Variants in MCPH1 observed in about 807,000 individuals in gnomAD.
The protein encoded by MCPH1 is microcephalin.
MCPH1 carries 104 observed loss-of-function variants against 84.5 expected under a neutral mutation model. The observed-to-expected ratio is 1.23, with a 90% CI of 1.05 to 1.45. MCPH1 has a LOEUF of 1.45. MCPH1 is among the 40% of genes most tolerant of loss of function. MCPH1 has a pLI of 0.00. For missense variants in MCPH1, 1,498 were observed against 1,005.7 expected, an observed-to-expected ratio of 1.49 and a Z score of -6.62; for synonymous variants, 514 against 366.8, an observed-to-expected ratio of 1.40 and a Z score of -4.58.
At chr8:6,559,923 A>G (rs774370275) in intron 12 of MCPH1, among the ~76,000 whole-genome samples, 1 of 152,136 alleles carries the variant, frequency 6.6e-6, no homozygotes, top group Non-Finnish European at 1.5e-5. Flanking sequence ...TGTTCCATTC[A>G]TATTCCTCTG....
chr8:6,520,481 C>T (rs903689563), intron 12 of MCPH1, among the ~76,000 whole-genome samples: 1 of 152,146 alleles, frequency 6.6e-6, no homozygotes, highest in Admixed American at 6.5e-5. Context: ...CCGCATCCTC[C>T]TCCTCCCAGG....
intron 12 of MCPH1, chr8:6,521,516 G>A: frequency 1.2e-6 from 1 of 831,342 alleles, no homozygotes; most frequent in Non-Finnish European, 1.8e-6. Flanking sequence ...TATTGTAGTG[G>A]TTATAAAGTA....
intron 9 of MCPH1, chr8:6,474,190 A>C: frequency 1.4e-6 from 1 of 716,350 alleles, no homozygotes; most frequent in African/African-American, 1.7e-5. Context: ...CTCTGTCTTC[A>C]TCTAAAATGG....
intron 12 of MCPH1, among the ~76,000 whole-genome samples, chr8:6,614,889 A>AC (rs1830650357): frequency 6.8e-6 from 1 of 148,122 alleles, no homozygotes; most frequent in Non-Finnish European, 1.5e-5. Flanking sequence ...CCCATACCCC[A>AC]CCCTACTCCA....
intron 12 of MCPH1, among the ~76,000 whole-genome samples, chr8:6,597,079 C>A (rs1485996779): frequency 6.6e-6 from 1 of 152,174 alleles, no homozygotes; most frequent in African/African-American, 2.4e-5. Context: ...GCAGGCTGGA[C>A]TCACAGCCCT....
chr8:6,632,659 A>G (rs1308627429), intron 13 of MCPH1, among the ~76,000 whole-genome samples: 1 of 152,048 alleles, frequency 6.6e-6, no homozygotes, highest in African/African-American at 2.4e-5. Flanking sequence ...AATACAAAAA[A>G]TTAGCCGGCC....
chr8:6,553,336 T>A (rs1215343970), intron 12 of MCPH1, among the ~76,000 whole-genome samples: 3 of 152,154 alleles, frequency 2.0e-5, no homozygotes, highest in African/African-American at 7.2e-5. Context: ...CAACAAAATG[T>A]TATTGTGTAC....
At chr8:6,581,124 C>G (rs1827534886) in intron 12 of MCPH1, among the ~76,000 whole-genome samples, 1 of 152,164 alleles carries the variant, frequency 6.6e-6, no homozygotes, top group Non-Finnish European at 1.5e-5. Context: ...TATATAAAGA[C>G]TTGAGCATCC....
chr8:6,617,277 G>GTTTTTTTTT (rs71213326), intron 12 of MCPH1: 2 of 114,674 alleles, frequency 1.7e-5, no homozygotes, highest in African/African-American at 3.6e-5. Context: ...TGTTTTTTTT[G>GTTTTTTTTT]TTTTTTTTTT....
intron 12 of MCPH1, among the ~76,000 whole-genome samples, chr8:6,587,226 A>G (rs969023289): frequency 6.6e-6 from 1 of 152,126 alleles, no homozygotes; most frequent in Non-Finnish European, 1.5e-5. Flanking sequence ...GACTCACTGA[A>G]GTCTGGCAAA....
chr8:6,408,307 C>A (rs1185952567), intron 1 of MCPH1, among the ~76,000 whole-genome samples: 1 of 151,194 alleles, frequency 6.6e-6, no homozygotes, highest in Non-Finnish European at 1.5e-5. Flanking sequence ...CATAATAGCT[C>A]AAGCAATTCT....
chr8:6,555,697 A>T (rs938733972), intron 12 of MCPH1, among the ~76,000 whole-genome samples: 4 of 152,074 alleles, frequency 2.6e-5, no homozygotes, highest in Non-Finnish European at 5.9e-5. Context: ...TCCTGAGCTC[A>T]AGCGACCCAC....
At chr8:6,504,233 G>C (rs1343962085) in intron 12 of MCPH1, among the ~76,000 whole-genome samples, 1 of 150,364 alleles carries the variant, frequency 6.7e-6, no homozygotes, top group African/African-American at 2.4e-5. Context: ...CAGGAGAATG[G>C]CGTGAACCCG....
intron 7 of MCPH1, among the ~76,000 whole-genome samples, chr8:6,442,536 G>T (rs995173023): frequency 5.3e-5 from 8 of 152,332 alleles, no homozygotes; most frequent in African/African-American, 1.7e-4. Context: ...AACGGGGTCA[G>T]TGAAGTATGT....
chr8:6,610,988 G>A (rs1830206216), intron 12 of MCPH1, among the ~76,000 whole-genome samples: 1 of 152,062 alleles, frequency 6.6e-6, no homozygotes. Context: ...CTACTCAGAT[G>A]TCTCCCAGAC....
chr8:6,417,572 C>G (rs910189016), intron 3 of MCPH1, among the ~76,000 whole-genome samples: 2 of 151,936 alleles, frequency 1.3e-5, no homozygotes, highest in Non-Finnish European at 2.9e-5. Context: ...ACTTTTTTCT[C>G]CATCAAATCC....
At chr8:6,546,499 C>T (rs150905810) in intron 12 of MCPH1, among the ~76,000 whole-genome samples, 1 of 152,118 alleles carries the variant, frequency 6.6e-6, no homozygotes, top group African/African-American at 2.4e-5. Flanking sequence ...ATATTCCATT[C>T]ATACGTCACT....
At chr8:6,461,684 C>G (rs1806316494) in intron 9 of MCPH1, among the ~76,000 whole-genome samples, 1 of 152,094 alleles carries the variant, frequency 6.6e-6, no homozygotes, top group East Asian at 1.9e-4. Context: ...GTTTTATTAC[C>G]TCTGTAATCT....
Position 6,603,101 on chromosome 8 carries a change from T to G in MCPH1, c.2215-18353T>G, listed in dbSNP as rs145525741. ...TAGTTTTCAGCCTGTATTTTCTCAG[T>G]TTCCCCAAAAATGATTTTTTAAGAA... On this transcript the variant is annotated intron_variant, in intron 12 of 13. Transcript: ENST00000344683. 3.0e-3 allele frequency among the ~76,000 whole-genome samples: 459 copies of G among 152,116 alleles called. 1 individual carries two copies. The highest frequency in any genetic ancestry group is 4.7e-3 in the Non-Finnish European group (322 of 68,020).
Sources: gnomAD v4.1 joint callset for allele counts (sites outside exome capture counted in the v4.1 genomes callset) on GRCh38, gnomAD v4.1.1 for gene constraint, MANE v1.5 for transcripts, NCBI Gene and HGNC (gene_info 2026-07-23, HGNC 2026-07-21) for gene names.